The following CDKL4 variants were observed in gnomAD, a reference collection of about 807,000 sequenced individuals.
CDKL4 encodes cyclin dependent kinase like 4.
Under a neutral mutation model 42.0 loss-of-function variants are expected in CDKL4, and 44 were observed. That is an observed-to-expected ratio of 1.05 (90% CI 0.82 to 1.35). The LOEUF (loss-of-function observed/expected upper bound fraction) is 1.35, where lower values mean the gene tolerates loss of function less well. Among genes scored for constraint, CDKL4 ranks in the 40% most tolerant of loss-of-function variants. The probability of loss-of-function intolerance (pLI) is 0.00; values close to 1 mark genes in which losing one functional copy is unlikely to be tolerated. For missense variants in CDKL4, 393 were observed against 369.9 expected (o/e 1.06, Z -0.51); for synonymous variants, 120 against 121.6 (o/e 0.99, Z 0.09).
chr2:39,226,445 TTA>T (rs370922997), intron 2 of CDKL4, among the ~76,000 whole-genome samples: 87 of 99,538 alleles, frequency 8.7e-4, no homozygotes, highest in Middle Eastern at 5.9e-3. Flanking sequence ...ATTATATATA[TTA>T]TATATATATT....
At chr2:39,178,780 G>C (rs1382225155) in intron 9 of CDKL4, 24 of 1,583,804 alleles carry the variant, frequency 1.5e-5, no homozygotes, top group Non-Finnish European at 2.0e-5. Flanking sequence ...AAAGATGGAA[G>C]AGTCAAGTTA....
At chr2:39,213,419 T>A (rs933804897) in exon 4 of CDKL4, 4 of 1,605,116 alleles carry the variant, frequency 2.5e-6, no homozygotes, top group Non-Finnish European at 3.4e-6. Context: ...ATGACAGAAA[T>A]TAAGAGCTTG....
exon 6 of CDKL4, chr2:39,190,371 T>G: frequency 6.2e-7 from 1 of 1,614,156 alleles, no homozygotes; most frequent in Non-Finnish European, 8.5e-7. Context: ...GGCTGGCCTG[T>G]CAGGAGCTCT....
chr2:39,190,199 C>G (rs1010289186), intron 6 of CDKL4, 106 bp downstream of exon 6: 12 of 755,932 alleles, frequency 1.6e-5, no homozygotes, highest in Middle Eastern at 4.0e-4. Context: ...TTTGAAGAAG[C>G]AATAAAACTC....
chr2:39,179,139 C>G, intron 9 of CDKL4, 48 bp downstream of exon 9: 1 of 1,577,116 alleles, frequency 6.3e-7, no homozygotes, highest in Non-Finnish European at 8.6e-7. Context: ...CAAACAAAAA[C>G]AAAAAAGGAA....
chr2:39,210,486 T>C (rs1677525152), intron 4 of CDKL4, among the ~76,000 whole-genome samples: 2 of 152,166 alleles, frequency 1.3e-5, no homozygotes, highest in Non-Finnish European at 1.5e-5. Context: ...GATTGACTCA[T>C]CCAACCATCC....
intron 1 of CDKL4, among the ~76,000 whole-genome samples, chr2:39,237,140 A>G (rs544797615): frequency 6.6e-6 from 1 of 152,374 alleles, no homozygotes; most frequent in African/African-American, 2.4e-5. Context: ...TCATGAATGT[A>G]GACACAAGAA....
intron 8 of CDKL4, among the ~76,000 whole-genome samples, chr2:39,182,241 T>C (rs566554114): frequency 2.7e-4 from 41 of 152,342 alleles, no homozygotes; most frequent in African/African-American, 9.9e-4. Context: ...TCCTCCTGCC[T>C]TGGACTCCTA....
At chr2:39,185,157 T>C (rs1205338795) in intron 7 of CDKL4, among the ~76,000 whole-genome samples, 2 of 136,614 alleles carry the variant, frequency 1.5e-5, no homozygotes, top group African/African-American at 5.5e-5. Context: ...TGTATATATA[T>C]ACACATATGT....
rs528791809 is a variant in CDKL4, at chr2:39,201,376, C to T, written c.454+3151G>A. Among the ~76,000 whole-genome samples the T allele has an allele frequency of 2.2e-3, 326 of 150,616 alleles. 1 individual carries two copies. The highest frequency in any genetic ancestry group is 3.7e-3 in the Non-Finnish European group (250 of 67,760). Reference sequence around the variant, plus strand: ...AACACTTTTACACTCTGGAGGGAATCTAAATTAATACAACCACTATGAAAA... The same window carrying T: ...AACACTTTTACACTCTGGAGGGAATTTAAATTAATACAACCACTATGAAAA... On this transcript the variant is annotated intron_variant, in intron 5 of 9. Coordinates refer to ENST00000451199, the Ensembl canonical transcript of CDKL4.
At chr2:39,228,962 C>T (rs554301726) in intron 2 of CDKL4, among the ~76,000 whole-genome samples, 17 of 152,230 alleles carry the variant, frequency 1.1e-4, no homozygotes, top group African/African-American at 3.9e-4. Context: ...CAGGAACCAA[C>T]GCATGTCGAT....
downstream of CDKL4, among the ~76,000 whole-genome samples, chr2:39,172,456 G>C (rs1572929493): frequency 6.6e-6 from 1 of 152,216 alleles, no homozygotes; most frequent in Non-Finnish European, 1.5e-5. Flanking sequence ...ATATGTATTT[G>C]AAACAGGAAG....
At chr2:39,234,179 C>T (rs2148401845) in intron 1 of CDKL4, among the ~76,000 whole-genome samples, 1 of 152,232 alleles carries the variant, frequency 6.6e-6, no homozygotes, top group Admixed American at 6.5e-5. Context: ...TCCCAAAGTG[C>T]TAGGACTACA....
exon 9 of CDKL4, chr2:39,179,195 G>T: frequency 6.2e-7 from 1 of 1,602,058 alleles, no homozygotes; most frequent in South Asian, 1.1e-5. Context: ...ACCTGTTGGC[G>T]TCTTCTGTTT....
At chr2:39,170,253 G>A in the CDKL4 span, among the ~76,000 whole-genome samples, 1 of 143,896 alleles carries the variant, frequency 6.9e-6, no homozygotes. Context: ...ACTCCAGCCT[G>A]GAGACTGAGT....
intron 3 of CDKL4, 86 bp from the exon 4 acceptor site, chr2:39,213,558 G>A: frequency 1.2e-6 from 1 of 809,794 alleles, no homozygotes; most frequent in Non-Finnish European, 2.1e-6. Flanking sequence ...GAGTGGTGAG[G>A]GACTGTCCTC....
chr2:39,218,496 C>CA (rs1402111315), intron 3 of CDKL4, among the ~76,000 whole-genome samples: 1 of 151,744 alleles, frequency 6.6e-6, no homozygotes, highest in African/African-American at 2.4e-5. Flanking sequence ...GACCTTCTCT[C>CA]AAAAAACAAA....
intron 9 of CDKL4, chr2:39,178,829 G>C (rs1675277322): frequency 7.8e-6 from 12 of 1,529,436 alleles, no homozygotes; most frequent in South Asian, 1.3e-5. Flanking sequence ...AAGGCACTTG[G>C]ATTCCTTTGC....
chr2:39,168,857 A>G, the CDKL4 span, among the ~76,000 whole-genome samples: 3 of 151,344 alleles, frequency 2.0e-5, no homozygotes, highest in Non-Finnish European at 4.4e-5. Flanking sequence ...CCTGGGTTCA[A>G]GCGATTCTCC....
Sources: gnomAD v4.1 joint callset for allele counts (sites outside exome capture counted in the v4.1 genomes callset) on GRCh38, gnomAD v4.1.1 for gene constraint, MANE v1.5 for transcripts, NCBI Gene and HGNC (gene_info 2026-07-23, HGNC 2026-07-21) for gene names.